The following RCOR1 variants were observed in gnomAD, a reference collection of about 807,000 sequenced individuals.
The protein encoded by RCOR1 is REST corepressor.
A neutral mutation model predicts 64.0 loss-of-function variants in RCOR1; 12 were observed. The ratio of observed to expected loss-of-function variants is 0.19; its 90% CI spans 0.12 to 0.30. The LOEUF is 0.30. Ranked by LOEUF, RCOR1 falls within the 10% of genes least tolerant of loss-of-function variation. RCOR1 has a pLI of 1.00. For missense variants in RCOR1, 502 were observed against 621.2 expected (o/e 0.81, Z 2.04); for synonymous variants, 279 against 227.2 (o/e 1.23, Z -2.05).
chr14:102,717,962 T>A (rs1896098860), intron 8 of RCOR1, among the ~76,000 whole-genome samples: 1 of 152,140 alleles, frequency 6.6e-6, no homozygotes, highest in Admixed American at 6.5e-5. Context: ...AAATGGGCAG[T>A]CAGTCCACTT....
At chr14:102,598,148 G>A (rs1424301230) in intron 2 of RCOR1, among the ~76,000 whole-genome samples, 2 of 152,032 alleles carry the variant, frequency 1.3e-5, no homozygotes, top group East Asian at 1.9e-4. Flanking sequence ...GTAGAGATGG[G>A]TTTCACCATG....
chr14:102,713,315 G>T (rs778232651), intron 7 of RCOR1, among the ~76,000 whole-genome samples: 44 of 145,436 alleles, frequency 3.0e-4, no homozygotes, highest in African/African-American at 9.0e-4. Context: ...CTGGAGTGCA[G>T]TGGTGCAATC....
intron 3 of RCOR1, among the ~76,000 whole-genome samples, chr14:102,689,310 G>A (rs1368676834): frequency 6.6e-6 from 1 of 152,002 alleles, no homozygotes; most frequent in African/African-American, 2.4e-5. Context: ...TTTGTTGCTT[G>A]ATTATTATTA....
intron 4 of RCOR1, among the ~76,000 whole-genome samples, chr14:102,706,114 C>CAAAAAAAAAAAAAAAAAAA (rs71119732): frequency 5.6e-4 from 12 of 21,334 alleles, no homozygotes; most frequent in Non-Finnish European, 6.7e-4. Context: ...AACCCTGTCT[C>CAAAAAAAAAAAAAAAAAAA]AAAAAAAAAA....
At chr14:102,598,471 G>T (rs539304435) in intron 2 of RCOR1, among the ~76,000 whole-genome samples, 3 of 133,272 alleles carry the variant, frequency 2.3e-5, no homozygotes, top group East Asian at 4.1e-4. Flanking sequence ...TTTTTGAGAC[G>T]GTGTCTCGCT....
Position 102,707,473 on chromosome 14 carries a change from T to C in RCOR1, c.621T>C (p.Phe207=), listed in dbSNP as rs777014780. The change falls in exon 5 of 12, where the codon TTT becomes TTC. Residue 207 remains phenylalanine (F), a synonymous_variant. Coordinates refer to ENST00000262241, the MANE Select transcript of RCOR1 (RefSeq NM_015156.4). Reference sequence around the variant, plus strand: ...ATAAAGTCTTATTTGAGCAAGCCTTTAGTTTTCATGGGAAAACTTTTCATA... The same window carrying C: ...ATAAAGTCTTATTTGAGCAAGCCTTCAGTTTTCATGGGAAAACTTTTCATA... The part of the protein sequence containing the change: ...VEDKVLFEQA[F]SFHGKTFHRI... 2 of 1,610,236 alleles carry C rather than the reference T, an allele frequency of 1.2e-6. No homozygotes were observed. Among genetic ancestry groups the C allele is most frequent in the Non-Finnish European group, 1.7e-6 (2 of 1,178,996 alleles).
chr14:102,678,946 A>G (rs1040493895), intron 2 of RCOR1, among the ~76,000 whole-genome samples: 2 of 152,134 alleles, frequency 1.3e-5, no homozygotes, highest in African/African-American at 4.8e-5. Flanking sequence ...TGACTGTTCA[A>G]ATCTTTTGGC....
chr14:102,681,778 G>T, intron 2 of RCOR1, 117 bp from the exon 3 acceptor site: 1 of 670,804 alleles, frequency 1.5e-6, no homozygotes, highest in Non-Finnish European at 2.6e-6. Flanking sequence ...TAAGTGTGGG[G>T]CCCATTGGGC....
chr14:102,719,220 C>G (rs1896127326), intron 8 of RCOR1, among the ~76,000 whole-genome samples: 2 of 152,192 alleles, frequency 1.3e-5, no homozygotes, highest in African/African-American at 4.8e-5. Flanking sequence ...GTAGTTGGGA[C>G]TACACAGCCT....
intron 2 of RCOR1, among the ~76,000 whole-genome samples, chr14:102,634,368 C>G (rs1894188263): frequency 6.6e-6 from 1 of 151,560 alleles, no homozygotes; most frequent in Admixed American, 6.6e-5. Flanking sequence ...GAGCAAAACC[C>G]TGTCTCAAAA....
chr14:102,704,637 G>T (rs1567441553), intron 4 of RCOR1, among the ~76,000 whole-genome samples: 2 of 152,158 alleles, frequency 1.3e-5, no homozygotes, highest in African/African-American at 2.4e-5. Flanking sequence ...TCACCATGTT[G>T]GTCAGGCTGG....
At chr14:102,641,002 C>G (rs1484551024) in intron 2 of RCOR1, among the ~76,000 whole-genome samples, 2 of 152,050 alleles carry the variant, frequency 1.3e-5, no homozygotes, top group Non-Finnish European at 2.9e-5. Context: ...GCCTGTAATC[C>G]CAGCACTTTG....
At chr14:102,724,028 AT>A (rs903534341) in intron 11 of RCOR1, among the ~76,000 whole-genome samples, 1,525 of 149,882 alleles carry the variant, frequency 0.01, 24 homozygotes, top group African/African-American at 0.035. Context: ...TGAGTCAAGT[AT>A]TTTTTTTTTA....
chr14:102,696,222 T>A (rs550794067), intron 3 of RCOR1, among the ~76,000 whole-genome samples: 1 of 152,332 alleles, frequency 6.6e-6, no homozygotes, highest in South Asian at 2.1e-4. Flanking sequence ...TCATTTTTGC[T>A]TATTTCGGCT....
rs747569160 is a variant in RCOR1, at chr14:102,613,047, GGTTGTT to G, written c.361+19732_361+19737del. 7.8e-4 allele frequency among the ~76,000 whole-genome samples: 118 copies of G among 151,300 alleles called. 1 individual carries two copies. Among genetic ancestry groups the G allele is most frequent in the South Asian group, 2.3e-3 (11 of 4,790 alleles). ...CCAAAGGAGTATAGGTGGTTTTTTTGGTTGTTGTTGTTGTTTGTTTTGTTTTTTGAG... is the reference window on the plus strand; with the variant it reads ...CCAAAGGAGTATAGGTGGTTTTTTTGGTTGTTGTTTGTTTTGTTTTTTGAG... On this transcript the variant is annotated intron_variant, in intron 2 of 11. Transcript: ENST00000262241.
intron 3 of RCOR1, among the ~76,000 whole-genome samples, chr14:102,690,014 A>T (rs1895499473): frequency 6.6e-6 from 1 of 152,072 alleles, no homozygotes; most frequent in African/African-American, 2.4e-5. Context: ...AAGTGCTGGG[A>T]TTACAGGCGT....
intron 2 of RCOR1, among the ~76,000 whole-genome samples, chr14:102,601,514 T>C (rs1283467069): frequency 6.6e-6 from 1 of 151,878 alleles, no homozygotes; most frequent in Non-Finnish European, 1.5e-5. Flanking sequence ...AGGAAGGAGG[T>C]GTAGGTGGCA....
chr14:102,658,303 G>T lies in RCOR1; in HGVS notation c.362-23592G>T, dbSNP rs561545280. ...TTTTTAAAAAAGGTTTTTCTGGCCA[G>T]GTGCGGTGGCTTTAATCCATATGTG... On this transcript the variant is annotated intron_variant, in intron 2 of 11. Transcript: ENST00000262241. 1.9e-4 allele frequency among the ~76,000 whole-genome samples: 29 copies of T among 152,052 alleles called. No homozygotes were observed. In the South Asian group the frequency reaches 5.8e-3, roughly 31 times the overall value.
At chr14:102,615,896 C>T (rs1262782254) in intron 2 of RCOR1, among the ~76,000 whole-genome samples, 2 of 152,142 alleles carry the variant, frequency 1.3e-5, no homozygotes, top group African/African-American at 4.8e-5. Context: ...GGGATTTCTC[C>T]CCAACAGGAG....
Sources: allele counts gnomAD v4.1 joint callset (sites outside exome capture counted in the v4.1 genomes callset), GRCh38; gene constraint gnomAD v4.1.1; transcripts MANE v1.5; gene names NCBI Gene and HGNC (gene_info 2026-07-23, HGNC 2026-07-21).